Variants in CERS3 observed in about 807,000 individuals in gnomAD.
The protein encoded by CERS3 is LAG1 homolog, ceramide synthase 3.
CERS3 carries 33 observed loss-of-function variants against 50.3 expected under a neutral mutation model. That is an observed-to-expected ratio of 0.66 (90% CI 0.50 to 0.88). The LOEUF (loss-of-function observed/expected upper bound fraction) is 0.88. Among genes scored for constraint, CERS3 ranks in the 40% least tolerant of loss-of-function variants. The pLI is 0.00. For missense variants in CERS3, 470 were observed against 460.3 expected, an observed-to-expected ratio of 1.02 and a Z score of -0.19; for synonymous variants, 176 against 155.2, an observed-to-expected ratio of 1.13 and a Z score of -0.99.
chr15:100,476,143 TA>T lies in CERS3; in HGVS notation c.551del (p.Leu184Ter), dbSNP rs1349568922. 6.3e-7 allele frequency: 1 copy of T among 1,584,312 alleles called. No individual in the cohort carries two copies. The highest frequency in any genetic ancestry group is 1.7e-4 in the Middle Eastern group (1 of 5,998). On this transcript the variant is annotated frameshift_variant, in exon 8 of 12. Transcript: ENST00000679737. LOFTEE classifies it high-confidence loss of function. ...ACAGAGACCAATAAAAACTCATTTC[TA>T]AAATGTAGTACCAGTACTGGGATGG... ...LLPSQYWYYI[L>X]EMSFYWSLLF...
intron 8 of CERS3, among the ~76,000 whole-genome samples, chr15:100,475,107 G>GA (rs1384344290): frequency 1.3e-5 from 2 of 152,016 alleles, no homozygotes; most frequent in African/African-American, 2.4e-5. Context: ...TCTATCCCTG[G>GA]AAAAAATGAC....
chr15:100,463,264 G>A (rs1002578321), intron 10 of CERS3, among the ~76,000 whole-genome samples: 4 of 151,622 alleles, frequency 2.6e-5, no homozygotes, highest in African/African-American at 9.7e-5. Context: ...GTGAAACCCC[G>A]TTTCTACTAA....
At position 100,520,821 on chromosome 15, in the gene CERS3, T is replaced by A. The variant is rs1596806688; in HGVS notation, c.-2+846A>T. ...GAAGCTCTGTGTCAGCAAGCACAGC[T>A]GGTGCCGGGAGAGCATAGACCTGGG... On this transcript the variant is annotated intron_variant, in intron 2 of 11. Transcript: ENST00000679737. 2.6e-5 allele frequency among the ~76,000 whole-genome samples: 4 copies of A among 152,254 alleles called. No homozygotes were observed. The South Asian group carries it at 8.3e-4, about 32-fold the overall frequency.
chr15:100,475,325 C>T (rs1487389117), intron 8 of CERS3, among the ~76,000 whole-genome samples: 1 of 152,178 alleles, frequency 6.6e-6, no homozygotes, highest in Admixed American at 6.5e-5. Flanking sequence ...AACATTTAAT[C>T]AAGCTAAACT....
At position 100,501,766 on chromosome 15, in the gene CERS3, G is replaced by A. The variant is rs771486124; in HGVS notation, c.84C>T (p.His28=). The A allele has an allele frequency of 1.7e-5, 27 of 1,614,000 alleles. No individual in the cohort carries two copies. The highest frequency in any genetic ancestry group is 8.0e-5 in the African/African-American group (6 of 75,042). Residue 28 remains histidine (H), a synonymous_variant, in exon 3 of 12, where the codon CAC becomes CAT. Coordinates refer to ENST00000679737, the MANE Select transcript of CERS3 (RefSeq NM_001378789.1). ...AAGGTTTTACAAAGACGAGTCCATCGTGATCCTCAAGATCTGACCACTTTA... is the reference window on the plus strand; with the variant it reads ...AAGGTTTTACAAAGACGAGTCCATCATGATCCTCAAGATCTGACCACTTTA... ...PTIKWSDLED[H]DGLVFVKPSH...
At chr15:100,518,446 ATGAC>A (rs1449396964) in intron 2 of CERS3, among the ~76,000 whole-genome samples, 1 of 152,250 alleles carries the variant, frequency 6.6e-6, no homozygotes, top group African/African-American at 2.4e-5. Context: ...GATTAAATCT[ATGAC>A]TGAATTTACA....
chr15:100,534,305 C>G (rs2037019137), intron 1 of CERS3, among the ~76,000 whole-genome samples: 1 of 152,110 alleles, frequency 6.6e-6, no homozygotes, highest in Admixed American at 6.5e-5. Context: ...GTCACTTAAC[C>G]TCTCAGTCCT....
chr15:100,433,353 T>A (rs1035567783), intron 11 of CERS3, among the ~76,000 whole-genome samples: 2 of 146,958 alleles, frequency 1.4e-5, no homozygotes, highest in East Asian at 2.2e-4. Flanking sequence ...CGCCCCACCA[T>A]TCTCCCCAAA....
intron 11 of CERS3, among the ~76,000 whole-genome samples, chr15:100,449,398 C>T (rs868059350): frequency 6.6e-6 from 1 of 152,222 alleles, no homozygotes; most frequent in South Asian, 2.1e-4. Context: ...GCCAACCTAC[C>T]TCCTGCCCCA....
intron 11 of CERS3, chr15:100,437,783 G>C (rs2033488617): frequency 6.6e-6 from 1 of 152,122 alleles, no homozygotes. Context: ...TACAGGTGAA[G>C]AAACCGAGGC....
intron 2 of CERS3, among the ~76,000 whole-genome samples, chr15:100,517,954 C>A (rs1226844788): frequency 6.6e-6 from 1 of 152,182 alleles, no homozygotes; most frequent in Non-Finnish European, 1.5e-5. Flanking sequence ...TGGCATTGGG[C>A]TGGGGGATTA....
intron 3 of CERS3, among the ~76,000 whole-genome samples, chr15:100,499,896 G>C (rs145892233): frequency 1.3e-5 from 2 of 152,116 alleles, no homozygotes; most frequent in Non-Finnish European, 2.9e-5. Flanking sequence ...TCATGGGTTC[G>C]AGTCCCAGAT....
chr15:100,438,036 C>CTTTTTTTTTTTT (rs10712821), intron 11 of CERS3: 1 of 102,002 alleles, frequency 9.8e-6, no homozygotes, highest in African/African-American at 3.8e-5. Context: ...TATGTACCCA[C>CTTTTTTTTTTTT]TTTTTTTTTT....
intron 2 of CERS3, among the ~76,000 whole-genome samples, chr15:100,511,534 G>C (rs7496055): frequency 0.94 from 108,533 of 115,910 alleles, 50,995 homozygotes; most frequent in Non-Finnish European, 0.97. Context: ...TCCATTAACA[G>C]TCTGTTACAT....
chr15:100,512,639 G>A (rs965559623), intron 2 of CERS3, among the ~76,000 whole-genome samples: 1 of 152,040 alleles, frequency 6.6e-6, no homozygotes, highest in Admixed American at 6.5e-5. Context: ...TCCTATATTC[G>A]TCAGAGTTGT....
intron 11 of CERS3, among the ~76,000 whole-genome samples, chr15:100,432,063 CCT>C (rs2033163925): frequency 1.3e-5 from 1 of 74,162 alleles, no homozygotes; most frequent in South Asian, 6.1e-4. Context: ...TTTAATAGGC[CCT>C]CTTTTGTTTT....
intron 7 of CERS3, among the ~76,000 whole-genome samples, chr15:100,478,882 A>G (rs1219598931): frequency 6.6e-6 from 1 of 152,148 alleles, no homozygotes; most frequent in East Asian, 1.9e-4. Flanking sequence ...GGGTAACTTG[A>G]CCGATTTACA....
At chr15:100,442,583 C>T (rs916789291) in intron 11 of CERS3, among the ~76,000 whole-genome samples, 4 of 152,184 alleles carry the variant, frequency 2.6e-5, no homozygotes, top group African/African-American at 9.7e-5. Context: ...ATCTGGCCAC[C>T]AGGCCAAGGA....
At chr15:100,460,509 T>C (rs1427143560) in intron 10 of CERS3, among the ~76,000 whole-genome samples, 1 of 152,222 alleles carries the variant, frequency 6.6e-6, no homozygotes, top group African/African-American at 2.4e-5. Context: ...TGGGCCTTAT[T>C]CTGTACTCTT....
Sources: allele counts gnomAD v4.1 joint callset (sites outside exome capture counted in the v4.1 genomes callset), GRCh38; gene constraint gnomAD v4.1.1; transcripts MANE v1.5; gene names NCBI Gene and HGNC (gene_info 2026-07-23, HGNC 2026-07-21).